EFHD1: variants seen among roughly 807,000 people sequenced by gnomAD.
EFHD1 encodes the protein EF-hand domain-containing protein D1.
Under a neutral mutation model 17.2 loss-of-function variants are expected in EFHD1, and 10 were observed. That is an observed-to-expected ratio of 0.58 (90% CI 0.36 to 0.99). The LOEUF (loss-of-function observed/expected upper bound fraction) is 0.99, where lower values mean the gene tolerates loss of function less well. Ranked by LOEUF, EFHD1 falls within the 50% of genes least tolerant of loss-of-function variation. The pLI is 0.01. For missense variants in EFHD1, 310 were observed against 327.5 expected, an observed-to-expected ratio of 0.95 and a Z score of 0.41; for synonymous variants, 153 against 142.0, an observed-to-expected ratio of 1.08 and a Z score of -0.55.
intron 1 of EFHD1, among the ~76,000 whole-genome samples, chr2:232,623,640 A>C (rs1292483911): frequency 8.1e-5 from 11 of 135,950 alleles, no homozygotes; most frequent in Non-Finnish European, 1.7e-4. Context: ...ATGCCATTGC[A>C]CTCCAGCCTG....
upstream of EFHD1, chr2:232,633,551 C>A (rs1007838898): frequency 3.7e-5 from 48 of 1,285,934 alleles, no homozygotes; most frequent in Middle Eastern, 6.0e-4. Flanking sequence ...GACCGCCCCG[C>A]CCGCCAGTCC....
intron 1 of EFHD1, among the ~76,000 whole-genome samples, chr2:232,655,762 C>T (rs1432292821): frequency 1.3e-5 from 2 of 151,966 alleles, no homozygotes; most frequent in Non-Finnish European, 2.9e-5. Context: ...TGCCAGATCC[C>T]ACTTGTTCCT....
chr2:232,631,706 A>AT (rs1334559704), upstream of EFHD1, among the ~76,000 whole-genome samples: 12 of 138,134 alleles, frequency 8.7e-5, no homozygotes, highest in East Asian at 2.5e-3. Context: ...AAAAAAAAAA[A>AT]CAAAAACAAA....
intron 1 of EFHD1, among the ~76,000 whole-genome samples, chr2:232,659,201 T>C (rs1277973496): frequency 1.3e-5 from 2 of 152,056 alleles, no homozygotes; most frequent in Non-Finnish European, 2.9e-5. Flanking sequence ...TTTAGTGCTT[T>C]GCAATGTAGC....
At chr2:232,611,829 G>T (rs1693820667) in intron 1 of EFHD1, 1 of 152,222 alleles carries the variant, frequency 6.6e-6, no homozygotes, top group African/African-American at 2.4e-5. Context: ...GCCTGTCAAA[G>T]ACTTCCTGGG....
chr2:232,609,137 G>A (rs931460224), intron 1 of EFHD1, among the ~76,000 whole-genome samples: 1 of 133,078 alleles, frequency 7.5e-6, no homozygotes, highest in Admixed American at 9.0e-5. Context: ...TCGGCTCACT[G>A]CACCCTCTGC....
chr2:232,645,406 ATC>A (rs1445948711), intron 1 of EFHD1, among the ~76,000 whole-genome samples: 2 of 152,024 alleles, frequency 1.3e-5, no homozygotes, highest in African/African-American at 4.8e-5. Flanking sequence ...AGGGTTTGAC[ATC>A]TCCACCCCCA....
chr2:232,663,805 A>G (rs12694912), intron 2 of EFHD1, among the ~76,000 whole-genome samples: 54,997 of 151,658 alleles, frequency 0.36, 10,316 homozygotes, highest in East Asian at 0.52. Flanking sequence ...ATATACAATA[A>G]TGCGTCTTCT....
At chr2:232,660,466 T>C (rs533715554) in intron 1 of EFHD1, among the ~76,000 whole-genome samples, 3 of 152,024 alleles carry the variant, frequency 2.0e-5, no homozygotes, top group South Asian at 2.1e-4. Flanking sequence ...TCCCAAAGTA[T>C]TGGGATTACA....
chr2:232,633,944 C>T lies in EFHD1; in HGVS notation c.240C>T (p.Pro80=), dbSNP rs1694260815. The part of the protein sequence containing the change: ...ARPRRCRVFN[P]YTEFPEFSRR... The stretch of plus-strand genomic sequence containing the variant: ...CCCGGCGCTGCAGGGTCTTCAACCC[C>T]TACACGGAGTTCCCGGAGTTCAGCC... Residue 80 remains proline, a synonymous_variant, in exon 1 of 4, where the codon CCC becomes CCT. Coordinates refer to ENST00000264059, the MANE Select transcript of EFHD1 (RefSeq NM_025202.4). 1.3e-6 allele frequency: 2 copies of T among 1,597,532 alleles called. No homozygotes were observed. Among genetic ancestry groups the T allele is most frequent in the Non-Finnish European group, 1.7e-6 (2 of 1,179,296 alleles).
intron 1 of EFHD1, chr2:232,606,313 C>G (rs1693711349): frequency 9.8e-7 from 1 of 1,020,514 alleles, no homozygotes; most frequent in Admixed American, 2.0e-5. Context: ...GCCCTCGCTT[C>G]CCTGCCCCGC....
intron 3 of EFHD1, among the ~76,000 whole-genome samples, chr2:232,676,356 C>T (rs376206160): frequency 2.6e-5 from 4 of 152,150 alleles, no homozygotes; most frequent in South Asian, 4.1e-4. Flanking sequence ...CCTGTTTGAC[C>T]GAACCTGGTG....
chr2:232,633,848 G>T lies in EFHD1; in HGVS notation c.144G>T (p.Thr48=), dbSNP rs919125354. ...CCGAGCCTCCCGCCCGTGCGCCCAC[G>T]GCCAGCGCCGACGCGGAGCTGAGCG... ...PEPEPPARAP[T]ASADAELSAQ... The change falls in exon 1 of 4, where the codon ACG becomes ACT. Residue 48 remains threonine (T), a synonymous_variant. Transcript: ENST00000264059. The T allele has an allele frequency of 6.7e-7, 1 of 1,499,164 alleles. No homozygotes were observed. The highest frequency in any genetic ancestry group is 8.8e-7 in the Non-Finnish European group (1 of 1,132,760). 92.9% of individuals were successfully genotyped at this position (1,499,164 alleles called of 1,614,324 possible). A position where few individuals can be genotyped will look rare whatever the true frequency, so the allele number is the denominator to read the frequency against.
chr2:232,654,522 G>A (rs1694723993), intron 1 of EFHD1, among the ~76,000 whole-genome samples: 1 of 143,466 alleles, frequency 7.0e-6, no homozygotes, highest in African/African-American at 2.6e-5. Context: ...CTGGGTTCAA[G>A]CAATTCTCCT....
Position 232,639,366 on chromosome 2 carries a change from T to C in EFHD1, c.302+5360T>C, listed in dbSNP as rs138055336. Among the ~76,000 whole-genome samples, 34 of 152,218 alleles carry C rather than the reference T, an allele frequency of 2.2e-4. No homozygotes were observed. The East Asian group carries it at 6.0e-3, about 27-fold the overall frequency. On this transcript the variant is annotated intron_variant, in intron 1 of 3. Transcript: ENST00000264059. Reference sequence around the variant, plus strand: ...TCCAGGAGACTTTAACTTTTTTTTTTTTTTCTTTTCTCAAGACAGAGTCTT... The same window carrying C: ...TCCAGGAGACTTTAACTTTTTTTTTCTTTTCTTTTCTCAAGACAGAGTCTT...
intron 1 of EFHD1, chr2:232,606,244 C>T (rs1447096057): frequency 4.0e-6 from 6 of 1,515,348 alleles, no homozygotes; most frequent in Non-Finnish European, 5.4e-6. Flanking sequence ...GCGATTTTTA[C>T]TCTGGTCCAG....
chr2:232,660,916 C>G (rs1397255276), intron 1 of EFHD1, among the ~76,000 whole-genome samples: 1 of 151,856 alleles, frequency 6.6e-6, no homozygotes, highest in African/African-American at 2.4e-5. Context: ...AGGCAGAGGT[C>G]GCAGTGAGCC....
At chr2:232,625,510 T>C (rs925127487) in intron 1 of EFHD1, among the ~76,000 whole-genome samples, 3 of 152,100 alleles carry the variant, frequency 2.0e-5, no homozygotes, top group Non-Finnish European at 4.4e-5. Flanking sequence ...AAAAGCCGCT[T>C]AGGATGGGAG....
chr2:232,653,949 G>A (rs1212522371), intron 1 of EFHD1, among the ~76,000 whole-genome samples: 1 of 152,120 alleles, frequency 6.6e-6, no homozygotes, highest in Non-Finnish European at 1.5e-5. Flanking sequence ...GCTCAGGCCT[G>A]TAATCCCAGC....
Sources: allele counts gnomAD v4.1 joint callset (sites outside exome capture counted in the v4.1 genomes callset), GRCh38; gene constraint gnomAD v4.1.1; transcripts MANE v1.5; gene names NCBI Gene and HGNC (gene_info 2026-07-23, HGNC 2026-07-21).